The following TENM4 variants were observed in gnomAD, a reference collection of about 807,000 sequenced individuals.
TENM4 encodes the protein teneurin transmembrane protein 4.
Under a neutral mutation model 243.3 loss-of-function variants are expected in TENM4, and 82 were observed. That is an observed-to-expected ratio of 0.34 (90% CI 0.28 to 0.40). The LOEUF (loss-of-function observed/expected upper bound fraction) is 0.40, where lower values mean the gene tolerates loss of function less well. TENM4 is among the 10% of genes least tolerant of loss of function. TENM4 has a pLI of 1.00. For missense variants in TENM4, 3,138 were observed against 3,673.3 expected, an observed-to-expected ratio of 0.85 and a Z score of 3.77; for synonymous variants, 1,412 against 1,456.3, an observed-to-expected ratio of 0.97 and a Z score of 0.69.
At chr11:79,117,290 C>T (rs775146635) in intron 4 of TENM4, among the ~76,000 whole-genome samples, 9 of 152,100 alleles carry the variant, frequency 5.9e-5, no homozygotes, top group Admixed American at 3.3e-4. Flanking sequence ...GGAGGGAAAT[C>T]GGAATTCTTT....
intron 6 of TENM4, among the ~76,000 whole-genome samples, chr11:79,045,108 C>G (rs1859626472): frequency 6.6e-6 from 1 of 152,182 alleles, no homozygotes; most frequent in South Asian, 2.1e-4. Context: ...CTTTCCACAT[C>G]CCCAAGTCTA....
At chr11:78,708,895 A>G (rs1859325218) in intron 26 of TENM4, among the ~76,000 whole-genome samples, 1 of 151,336 alleles carries the variant, frequency 6.6e-6, no homozygotes, top group African/African-American at 2.4e-5. Context: ...AAATTCACCT[A>G]TTTCTGAAGC....
intron 4 of TENM4, among the ~76,000 whole-genome samples, chr11:79,124,535 G>A (rs982174733): frequency 5.3e-5 from 8 of 151,800 alleles, no homozygotes; most frequent in African/African-American, 1.9e-4. Context: ...CCTGCAGACA[G>A]CCTATTGTGG....
At chr11:78,963,538 C>A (rs1417772054) in intron 6 of TENM4, among the ~76,000 whole-genome samples, 1 of 152,156 alleles carries the variant, frequency 6.6e-6, no homozygotes, top group Non-Finnish European at 1.5e-5. Context: ...TTCAAACAGA[C>A]TGAACCTTAG....
chr11:78,758,296 C>T (rs537067999), intron 18 of TENM4, among the ~76,000 whole-genome samples: 75 of 152,236 alleles, frequency 4.9e-4, no homozygotes, highest in African/African-American at 1.7e-3. Context: ...AACTGCTATA[C>T]AAATAAATGA....
At chr11:79,230,598 C>T (rs1008777211) in intron 2 of TENM4, among the ~76,000 whole-genome samples, 1 of 152,198 alleles carries the variant, frequency 6.6e-6, no homozygotes, top group African/African-American at 2.4e-5. Flanking sequence ...TTAATACTTA[C>T]AATGCTATTA....
chr11:78,750,912 C>T (rs922096190), intron 19 of TENM4, among the ~76,000 whole-genome samples: 1 of 151,538 alleles, frequency 6.6e-6, no homozygotes, highest in Admixed American at 6.6e-5. Context: ...CAGGGTCTGG[C>T]TCTGTCACCC....
In TENM4 at chr11:78,670,666, C is replaced by G. The variant is rs1357929564; in HGVS notation, c.5794-115G>C. Reference sequence around the variant, plus strand: ...ATGTCCAAGGAGAATCCTGAGTTTCCATGGTTCTCTTGAGTTATGCTCCAA... The same window carrying G: ...ATGTCCAAGGAGAATCCTGAGTTTCGATGGTTCTCTTGAGTTATGCTCCAA... On this transcript the variant is annotated intron_variant, in intron 31 of 33. Transcript: ENST00000278550. 4.6e-6 allele frequency: 5 copies of G among 1,083,780 alleles called. No homozygotes were observed. The African/African-American group carries it at 7.9e-5, about 17-fold the overall frequency. The allele number at this position is 1,083,780 out of a possible 1,614,324, so 67.1% of individuals were successfully genotyped here.
At chr11:79,100,968 C>T (rs1424406550) in intron 4 of TENM4, among the ~76,000 whole-genome samples, 1 of 152,080 alleles carries the variant, frequency 6.6e-6, no homozygotes, top group African/African-American at 2.4e-5. Context: ...AAAATGGAAG[C>T]TGCAGAGGCG....
intron 1 of TENM4, among the ~76,000 whole-genome samples, chr11:79,335,258 G>A (rs1857128704): frequency 6.6e-6 from 1 of 152,180 alleles, no homozygotes; most frequent in Non-Finnish European, 1.5e-5. Flanking sequence ...ACCATGACTG[G>A]GGAAAGCCCC....
At chr11:78,812,907 T>C (rs866582722) in intron 13 of TENM4, among the ~76,000 whole-genome samples, 1 of 152,218 alleles carries the variant, frequency 6.6e-6, no homozygotes, top group East Asian at 1.9e-4. Context: ...GATTTTGTGA[T>C]CTTCTCTATG....
chr11:79,130,346 A>C (rs1030370602), intron 4 of TENM4, among the ~76,000 whole-genome samples: 1 of 152,174 alleles, frequency 6.6e-6, no homozygotes, highest in African/African-American at 2.4e-5. Context: ...ACCCCCCAAA[A>C]ATCACACGAG....
In TENM4 at chr11:78,794,489, C is replaced by T. The variant is rs534146259; in HGVS notation, c.2180-7406G>A. 3.9e-5 allele frequency among the ~76,000 whole-genome samples: 6 copies of T among 152,252 alleles called. No individual in the cohort carries two copies. The East Asian group carries it at 7.7e-4, about 20-fold the overall frequency. ...GTGAACATTTGAAACAGCCCCCTGG[C>T]GAATGAGAGCGAGAACTCACAAAGT... On this transcript the variant is annotated intron_variant, in intron 15 of 33. Coordinates refer to ENST00000278550, the MANE Select transcript of TENM4 (RefSeq NM_001098816.3).
At chr11:78,961,967 G>A (rs1591165429) in intron 6 of TENM4, among the ~76,000 whole-genome samples, 1 of 152,130 alleles carries the variant, frequency 6.6e-6, no homozygotes, top group African/African-American at 2.4e-5. Context: ...CTCCAGCGGC[G>A]CCGCGGGGCA....
At chr11:78,670,692 C>G (rs541866955) in intron 31 of TENM4, 141 bp from the exon 32 acceptor site, 13 of 824,858 alleles carry the variant, frequency 1.6e-5, no homozygotes, top group Non-Finnish European at 2.4e-5. Context: ...TATGCTCCAA[C>G]CAGAGCTCTC....
chr11:78,764,687 T>C (rs1280366578), intron 18 of TENM4, among the ~76,000 whole-genome samples: 2 of 152,210 alleles, frequency 1.3e-5, no homozygotes, highest in Non-Finnish European at 2.9e-5. Context: ...GTTCACTTAG[T>C]ACCCATTATG....
At chr11:79,030,891 G>A (rs990954924) in intron 6 of TENM4, among the ~76,000 whole-genome samples, 1 of 152,154 alleles carries the variant, frequency 6.6e-6, no homozygotes, top group African/African-American at 2.4e-5. Flanking sequence ...TAGATGGGGC[G>A]TAGGATGGAA....
chr11:78,791,818 G>GC (rs1565380663), intron 15 of TENM4, among the ~76,000 whole-genome samples: 4 of 152,184 alleles, frequency 2.6e-5, no homozygotes, highest in African/African-American at 9.7e-5. Flanking sequence ...TCTGACGTTT[G>GC]CAACATACCC....
At chr11:79,289,718 A>G (rs575271323) in intron 2 of TENM4, among the ~76,000 whole-genome samples, 2 of 152,274 alleles carry the variant, frequency 1.3e-5, no homozygotes, top group South Asian at 4.1e-4. Context: ...TCAACCTACT[A>G]CATCAAGTAT....
Sources: allele counts gnomAD v4.1 joint callset (sites outside exome capture counted in the v4.1 genomes callset), GRCh38; gene constraint gnomAD v4.1.1; transcripts MANE v1.5; gene names NCBI Gene and HGNC (gene_info 2026-07-23, HGNC 2026-07-21).